OTUD3: variants seen among roughly 807,000 people sequenced by gnomAD.
OTUD3 encodes the protein OTU deubiquitinase 3, also known as OTU domain-containing protein 3.
A neutral mutation model predicts 46.2 loss-of-function variants in OTUD3; 24 were observed. The ratio of observed to expected loss-of-function variants is 0.52; its 90% CI spans 0.38 to 0.73. The LOEUF is 0.73. Ranked by LOEUF, OTUD3 falls within the 30% of genes least tolerant of loss-of-function variation. OTUD3 has a pLI of 0.00. For missense variants in OTUD3, 455 were observed against 523.3 expected, an observed-to-expected ratio of 0.87 and a Z score of 1.27; for synonymous variants, 189 against 195.4, an observed-to-expected ratio of 0.97 and a Z score of 0.27.
In OTUD3 at chr1:19,909,394, T is replaced by G. The variant is rs1557683887; in HGVS notation, c.*1648T>G. 6.6e-6 allele frequency: 1 copy of G among 152,260 alleles called. No individual in the cohort carries two copies. Among genetic ancestry groups the G allele is most frequent in the African/African-American group, 2.4e-5 (1 of 41,424 alleles). The allele number at this position is 152,260 out of a possible 1,614,324, so 9.4% of individuals were successfully genotyped here. On this transcript the variant is annotated 3_prime_UTR_variant, in exon 8 of 8. Transcript: ENST00000375120. The stretch of plus-strand genomic sequence containing the variant: ...CAGTACATTGTAAAATTTAGCAGAT[T>G]AAAAAAAGTACACAGCATTTTTTTT...
At chr1:19,903,040 C>CTTTTTTTT (rs36114504) in intron 4 of OTUD3, among the ~76,000 whole-genome samples, 14 of 58,064 alleles carry the variant, frequency 2.4e-4, no homozygotes, top group South Asian at 8.9e-4. Context: ...AATCTTTTCT[C>CTTTTTTTT]TTTTTTTTTT....
intron 2 of OTUD3, among the ~76,000 whole-genome samples, chr1:19,893,537 T>G (rs752722136): frequency 6.6e-6 from 1 of 152,148 alleles, no homozygotes; most frequent in Non-Finnish European, 1.5e-5. Context: ...GGTTTTTGTT[T>G]TGTTTTGTTT....
At chr1:19,899,004 T>C (rs1276753227) in intron 4 of OTUD3, among the ~76,000 whole-genome samples, 3 of 151,988 alleles carry the variant, frequency 2.0e-5, no homozygotes, top group Non-Finnish European at 4.4e-5. Context: ...AGAGATGAAG[T>C]TTTGCTATGT....
chr1:19,896,686 G>A (rs145615135), intron 3 of OTUD3, among the ~76,000 whole-genome samples: 3 of 152,320 alleles, frequency 2.0e-5, no homozygotes, highest in African/African-American at 7.2e-5. Context: ...ATGTGCTGAT[G>A]TTTTGGAGTT....
chr1:19,887,480 T>A (rs1226922463), intron 1 of OTUD3, among the ~76,000 whole-genome samples: 10 of 152,214 alleles, frequency 6.6e-5, no homozygotes, highest in African/African-American at 1.9e-4. Flanking sequence ...AGATGCTCAG[T>A]AGTCACATGC....
At chr1:19,899,694 C>T (rs997050951) in intron 4 of OTUD3, among the ~76,000 whole-genome samples, 4 of 152,162 alleles carry the variant, frequency 2.6e-5, no homozygotes, top group African/African-American at 7.2e-5. Flanking sequence ...AAGATTTCAC[C>T]GGTTTAAACT....
At chr1:19,892,364 CTTG>C (rs1025216152) in intron 2 of OTUD3, among the ~76,000 whole-genome samples, 6 of 152,214 alleles carry the variant, frequency 3.9e-5, no homozygotes, top group South Asian at 2.1e-4. Context: ...TGCTGCCTAC[CTTG>C]TTGTACTGTG....
At position 19,908,998 on chromosome 1, in the gene OTUD3, C is replaced by T. The variant is rs2045701292; in HGVS notation, c.*1252C>T. ...CTTGAGCAGTGGAGAGACGTCTTTC[C>T]TAAAACTGAGTTAGGTGGATGTGAA... On this transcript the variant is annotated 3_prime_UTR_variant, in exon 8 of 8. Transcript: ENST00000375120. 1 of 152,332 alleles carries T rather than the reference C, an allele frequency of 6.6e-6. No individual in the cohort carries two copies. The highest frequency in any genetic ancestry group is 2.1e-4 in the South Asian group (1 of 4,824). 9.4% of individuals were successfully genotyped at this position (152,332 alleles called of 1,614,324 possible).
chr1:19,889,967 C>G (rs2045424652), intron 1 of OTUD3, among the ~76,000 whole-genome samples: 1 of 152,134 alleles, frequency 6.6e-6, no homozygotes, highest in African/African-American at 2.4e-5. Flanking sequence ...TGTAGTGGAA[C>G]TTGTTTTAGA....
intron 2 of OTUD3, among the ~76,000 whole-genome samples, chr1:19,894,061 C>G (rs780986606): frequency 1.3e-5 from 2 of 152,208 alleles, no homozygotes; most frequent in Non-Finnish European, 2.9e-5. Flanking sequence ...ATGCAAGCTG[C>G]TAAGATTACT....
chr1:19,882,715 C>A lies in OTUD3; in HGVS notation c.202C>A (p.Arg68=). Residue 68 remains arginine (R), a synonymous_variant, in exon 1 of 8, where the codon CGG becomes AGG. Transcript: ENST00000375120. ...NQLQALGLKL[R]EVPGDGNCLF... ...GCTGCAGGCCCTGGGGCTGAAGCTG[C>A]GGGAGGTGCCGGGGGACGGGTGAGG... 7.2e-7 allele frequency: 1 copy of A among 1,381,932 alleles called. No homozygotes were observed. Among genetic ancestry groups the A allele is most frequent in the Non-Finnish European group, 9.4e-7 (1 of 1,066,320 alleles). The allele number at this position is 1,381,932 out of a possible 1,614,324, so 85.6% of individuals were successfully genotyped here. A position where few individuals can be genotyped will look rare whatever the true frequency, so the allele number is the denominator to read the frequency against.
At chr1:19,886,484 C>T (rs961600778) in intron 1 of OTUD3, among the ~76,000 whole-genome samples, 3 of 152,170 alleles carry the variant, frequency 2.0e-5, no homozygotes, top group Non-Finnish European at 4.4e-5. Flanking sequence ...GTGCCTCACT[C>T]AGTGGTTTTC....
chr1:19,900,503 A>C (rs537509905), intron 4 of OTUD3, among the ~76,000 whole-genome samples: 1 of 150,436 alleles, frequency 6.6e-6, no homozygotes, highest in Non-Finnish European at 1.5e-5. Context: ...AGTTTGACTT[A>C]AAAAAAAAAT....
Position 19,904,884 on chromosome 1 carries a change from TGGATAG to T in OTUD3, c.739-5_739del, listed in dbSNP as rs1232900517. On this transcript the variant is annotated splice_acceptor_variant and splice_polypyrimidine_tract_variant and intron_variant, in intron 5 of 7. Transcript: ENST00000375120. LOFTEE classifies it high-confidence loss of function. Reference sequence around the variant, plus strand: ...GTGGTTTTTTTGTTTGTTTGTTTCTTGGATAGGATTTTAATTTAATAGTCCAGAACC... The same window carrying T: ...GTGGTTTTTTTGTTTGTTTGTTTCTTGATTTTAATTTAATAGTCCAGAACC... 5 of 1,404,334 alleles carry T rather than the reference TGGATAG, an allele frequency of 3.6e-6. No individual in the cohort carries two copies. The highest frequency in any genetic ancestry group is 5.0e-6 in the Non-Finnish European group (5 of 1,003,308). The allele number at this position is 1,404,334 out of a possible 1,614,324, so 87.0% of individuals were successfully genotyped here. A position where few individuals can be genotyped will look rare whatever the true frequency, so the allele number is the denominator to read the frequency against.
chr1:19,898,184 G>T (rs556818509), intron 4 of OTUD3, among the ~76,000 whole-genome samples: 75 of 152,008 alleles, frequency 4.9e-4, no homozygotes, highest in African/African-American at 1.8e-3. Context: ...CTGACCTCAG[G>T]TGATCTGCCC....
chr1:19,904,850 A>G lies in OTUD3; in HGVS notation c.739-41A>G, dbSNP rs369176936. 3.2e-5 allele frequency: 30 copies of G among 945,532 alleles called. No homozygotes were observed. In the African/African-American group the frequency reaches 4.6e-4, roughly 15 times the overall value. 58.6% of individuals were successfully genotyped at this position (945,532 alleles called of 1,614,324 possible). ...GAGCTAGGCAGAAAAATATACCCAGAGTTTTGAAGTGGTTTTTTTGTTTGT... is the reference window on the plus strand; with the variant it reads ...GAGCTAGGCAGAAAAATATACCCAGGGTTTTGAAGTGGTTTTTTTGTTTGT... On this transcript the variant is annotated intron_variant, in intron 5 of 7. Coordinates refer to ENST00000375120, the MANE Select transcript of OTUD3 (RefSeq NM_015207.2).
intron 2 of OTUD3, among the ~76,000 whole-genome samples, chr1:19,890,768 G>A (rs976258624): frequency 2.0e-5 from 3 of 152,152 alleles, no homozygotes; most frequent in African/African-American, 7.2e-5. Flanking sequence ...GACCTGAAAA[G>A]CGATTCATGA....
chr1:19,890,640 G>A (rs1023519567), intron 2 of OTUD3, 107 bp downstream of exon 2: 9 of 982,726 alleles, frequency 9.2e-6, no homozygotes, highest in African/African-American at 6.4e-5. Context: ...TATAAATCAC[G>A]ACATTCATTT....
At chr1:19,897,128 A>AT (rs896095174) in intron 3 of OTUD3, among the ~76,000 whole-genome samples, 22 of 148,998 alleles carry the variant, frequency 1.5e-4, no homozygotes, top group East Asian at 7.8e-4. Flanking sequence ...ATAATTTTGC[A>AT]TTTTTTTTTT....
Sources: allele counts gnomAD v4.1 joint callset (sites outside exome capture counted in the v4.1 genomes callset), GRCh38; gene constraint gnomAD v4.1.1; transcripts MANE v1.5; gene names NCBI Gene and HGNC (gene_info 2026-07-23, HGNC 2026-07-21).